ACVR1: variants seen among roughly 807,000 people sequenced by gnomAD.
ACVR1 encodes activin receptor type-1.
Under a neutral mutation model 57.1 loss-of-function variants are expected in ACVR1, and 38 were observed. The ratio of observed to expected loss-of-function variants is 0.67; its 90% CI spans 0.51 to 0.87. The LOEUF (loss-of-function observed/expected upper bound fraction) is 0.87, where lower values mean the gene tolerates loss of function less well. Among genes scored for constraint, ACVR1 ranks in the 40% least tolerant of loss-of-function variants. The probability of loss-of-function intolerance (pLI) is 0.00; values close to 1 mark genes in which losing one functional copy is unlikely to be tolerated. For missense variants in ACVR1, 463 were observed against 638.2 expected (o/e 0.73, Z 2.96); for synonymous variants, 212 against 228.1 (o/e 0.93, Z 0.63).
chr2:157,823,788 C>T (rs979749177), intron 1 of ACVR1, among the ~76,000 whole-genome samples: 2 of 152,158 alleles, frequency 1.3e-5, no homozygotes, highest in Non-Finnish European at 2.9e-5. Context: ...CCATCAAAAT[C>T]CCTTTCATCT....
intron 9 of ACVR1, among the ~76,000 whole-genome samples, chr2:157,759,061 G>C (rs1685542049): frequency 6.6e-6 from 1 of 151,706 alleles, no homozygotes; most frequent in Non-Finnish European, 1.5e-5. Flanking sequence ...TCCAAATAAA[G>C]AATCTAAAGA....
chr2:157,850,084 G>T (rs1689244289), intron 1 of ACVR1, among the ~76,000 whole-genome samples: 1 of 152,142 alleles, frequency 6.6e-6, no homozygotes. Flanking sequence ...ATCACTAGAT[G>T]CTTCAGAAAA....
chr2:157,789,834 C>A (rs1283562316), intron 3 of ACVR1, among the ~76,000 whole-genome samples: 3 of 152,226 alleles, frequency 2.0e-5, no homozygotes, highest in Non-Finnish European at 4.4e-5. Context: ...AATAGTTTAA[C>A]TCCAAAACTT....
chr2:157,781,708 T>C (rs1315821143), intron 3 of ACVR1, among the ~76,000 whole-genome samples: 2 of 152,248 alleles, frequency 1.3e-5, no homozygotes. Context: ...CTCTGCTTAA[T>C]TGTCTCTTTC....
intron 1 of ACVR1, among the ~76,000 whole-genome samples, chr2:157,862,366 C>G (rs17191696): frequency 0.018 from 2,778 of 151,692 alleles, 37 homozygotes; most frequent in Non-Finnish European, 0.029. Flanking sequence ...GCAACAATTT[C>G]TGTGTGCCTC....
At chr2:157,769,671 A>G (rs1686001730) in intron 7 of ACVR1, among the ~76,000 whole-genome samples, 1 of 152,230 alleles carries the variant, frequency 6.6e-6, no homozygotes, top group African/African-American at 2.4e-5. Context: ...ATACAGAGTT[A>G]AATTCTATAT....
chr2:157,807,857 G>GGGT (rs1687608045), intron 2 of ACVR1, among the ~76,000 whole-genome samples: 1 of 103,856 alleles, frequency 9.6e-6, no homozygotes, highest in Non-Finnish European at 2.0e-5. Flanking sequence ...AATAATTTGG[G>GGGT]GGGGGGGGTG....
In ACVR1 at chr2:157,781,728, T is replaced by G. The variant is rs1686532203; in HGVS notation, c.68-1128A>C. Among the ~76,000 whole-genome samples, 5 of 152,242 alleles carry G rather than the reference T, an allele frequency of 3.3e-5. No individual in the cohort carries two copies. In the South Asian group the frequency reaches 1.0e-3, roughly 31 times the overall value. ...CTTAATTGTCTCTTTCTGAGAATACTTATTTGCATCTGCATTTTCACATTA... is the reference window on the plus strand; with the variant it reads ...CTTAATTGTCTCTTTCTGAGAATACGTATTTGCATCTGCATTTTCACATTA... On this transcript the variant is annotated intron_variant, in intron 3 of 10. Coordinates refer to ENST00000434821, the MANE Select transcript of ACVR1 (RefSeq NM_001111067.4).
intron 1 of ACVR1, among the ~76,000 whole-genome samples, chr2:157,826,157 A>C (rs1254613071): frequency 2.0e-5 from 3 of 152,004 alleles, no homozygotes; most frequent in Admixed American, 2.0e-4. Flanking sequence ...CCAGGACCAG[A>C]TTTTCTGGTT....
At chr2:157,807,656 C>T (rs1420332800) in intron 2 of ACVR1, among the ~76,000 whole-genome samples, 1 of 151,784 alleles carries the variant, frequency 6.6e-6, no homozygotes, top group Non-Finnish European at 1.5e-5. Flanking sequence ...ATTTCAAATC[C>T]CGCTTCTTCC....
intron 3 of ACVR1, among the ~76,000 whole-genome samples, chr2:157,788,227 C>A (rs73966126): frequency 0.013 from 1,921 of 152,222 alleles, 51 homozygotes; most frequent in African/African-American, 0.043. Flanking sequence ...CCACTTATCC[C>A]CCCTTATGCA....
intron 1 of ACVR1, among the ~76,000 whole-genome samples, chr2:157,832,818 T>C (rs1169196763): frequency 6.6e-6 from 1 of 152,220 alleles, no homozygotes; most frequent in African/African-American, 2.4e-5. Context: ...CACCTGTGAT[T>C]AATTTACATA....
rs535918218 is a variant in ACVR1, at chr2:157,742,639, A to G, written c.1265-4069T>C. Reference sequence around the variant, plus strand: ...ATTAGTTTGCTATATGGCTCTGAGTAAACCCCTTAGCTGCCAGGCCTTAGT... The same window carrying G: ...ATTAGTTTGCTATATGGCTCTGAGTGAACCCCTTAGCTGCCAGGCCTTAGT... On this transcript the variant is annotated intron_variant, in intron 9 of 10. Transcript: ENST00000434821. Among the ~76,000 whole-genome samples the G allele has an allele frequency of 5.9e-5, 9 of 152,236 alleles. No homozygotes were observed. In the South Asian group the frequency reaches 1.0e-3, roughly 18 times the overall value.
chr2:157,741,370 G>A (rs756359248), intron 9 of ACVR1, among the ~76,000 whole-genome samples: 3 of 152,166 alleles, frequency 2.0e-5, no homozygotes, highest in Non-Finnish European at 4.4e-5. Flanking sequence ...GCTCACGCCT[G>A]TAATCCCAGC....
intron 1 of ACVR1, among the ~76,000 whole-genome samples, chr2:157,845,235 G>A (rs755303106): frequency 3.2e-4 from 48 of 152,318 alleles, no homozygotes; most frequent in Admixed American, 2.6e-4. Context: ...ATTTGTCTGC[G>A]TTCTAACCTT....
At chr2:157,782,715 G>T (rs991178506) in intron 3 of ACVR1, among the ~76,000 whole-genome samples, 10 of 152,166 alleles carry the variant, frequency 6.6e-5, no homozygotes, top group African/African-American at 2.2e-4. Flanking sequence ...GGAGTGAGGG[G>T]GAGAGTTCAT....
At chr2:157,809,371 G>A (rs1687668170) in intron 2 of ACVR1, among the ~76,000 whole-genome samples, 1 of 152,148 alleles carries the variant, frequency 6.6e-6, no homozygotes, top group East Asian at 1.9e-4. Context: ...TCAGATAATT[G>A]TGGTATGACT....
chr2:157,854,469 T>A (rs898443699), intron 1 of ACVR1, among the ~76,000 whole-genome samples: 48 of 152,278 alleles, frequency 3.2e-4, no homozygotes, highest in African/African-American at 1.1e-3. Flanking sequence ...ACGCCTGTAA[T>A]CCCAGCCCTT....
intron 1 of ACVR1, among the ~76,000 whole-genome samples, chr2:157,855,251 T>C (rs1333234577): frequency 7.5e-6 from 1 of 132,872 alleles, no homozygotes; most frequent in Non-Finnish European, 1.6e-5. Context: ...ACCTCGTCTC[T>C]TAAAAAAAAA....
Sources: allele counts gnomAD v4.1 joint callset (sites outside exome capture counted in the v4.1 genomes callset), GRCh38; gene constraint gnomAD v4.1.1; transcripts MANE v1.5; gene names NCBI Gene and HGNC (gene_info 2026-07-23, HGNC 2026-07-21).